CDK14: variants seen among roughly 807,000 people sequenced by gnomAD.
The protein encoded by CDK14 is cyclin-dependent kinase 14.
Under a neutral mutation model 60.7 loss-of-function variants are expected in CDK14, and 34 were observed. That is an observed-to-expected ratio of 0.56 (90% confidence interval 0.43 to 0.75). The LOEUF is 0.75. CDK14 is among the 30% of genes least tolerant of loss of function. CDK14 has a pLI of 0.00. For synonymous variants in CDK14, 197 were observed against 203.7 expected (o/e 0.97, Z 0.28); for missense variants, 482 against 564.1 (o/e 0.85, Z 1.47).
intron 4 of CDK14, among the ~76,000 whole-genome samples, chr7:90,784,896 TTAA>T (rs1805508532): frequency 6.6e-6 from 1 of 152,220 alleles, no homozygotes; most frequent in East Asian, 1.9e-4. Flanking sequence ...AAAGAGGGAA[TTAA>T]TAAATGAAAC....
intron 2 of CDK14, among the ~76,000 whole-genome samples, chr7:90,637,504 T>C (rs957436418): frequency 2.6e-5 from 4 of 151,592 alleles, no homozygotes; most frequent in African/African-American, 9.7e-5. Context: ...GAGAGATAGT[T>C]TGTTATAATT....
At chr7:91,047,954 T>C (rs550637306) in intron 11 of CDK14, among the ~76,000 whole-genome samples, 5 of 152,206 alleles carry the variant, frequency 3.3e-5, no homozygotes, top group African/African-American at 1.2e-4. Flanking sequence ...AAGGAAAATA[T>C]CAGTGCTAGG....
At chr7:90,826,255 G>C (rs1421068183) in intron 5 of CDK14, among the ~76,000 whole-genome samples, 1 of 152,112 alleles carries the variant, frequency 6.6e-6, no homozygotes, top group Non-Finnish European at 1.5e-5. Context: ...TCTCACTCCT[G>C]TTACCCAGGC....
intron 14 of CDK14, among the ~76,000 whole-genome samples, chr7:91,166,189 T>A (rs1801341815): frequency 6.6e-6 from 1 of 152,208 alleles, no homozygotes; most frequent in Non-Finnish European, 1.5e-5. Flanking sequence ...TCTGGATTCC[T>A]ATATTTTTTC....
At chr7:91,202,951 C>T (rs1802776624) in intron 14 of CDK14, among the ~76,000 whole-genome samples, 1 of 152,210 alleles carries the variant, frequency 6.6e-6, no homozygotes, top group African/African-American at 2.4e-5. Flanking sequence ...CTAGAGATTA[C>T]ACTCAAAGAA....
intron 14 of CDK14, among the ~76,000 whole-genome samples, chr7:91,172,455 C>T (rs753383331): frequency 4.6e-5 from 7 of 152,220 alleles, no homozygotes; most frequent in Non-Finnish European, 7.3e-5. Context: ...CTTCCTCCCT[C>T]TGGTTATTCC....
At chr7:90,803,556 C>T (rs1408741463) in intron 5 of CDK14, among the ~76,000 whole-genome samples, 2 of 151,912 alleles carry the variant, frequency 1.3e-5, no homozygotes, top group East Asian at 3.9e-4. Flanking sequence ...GATAGTGGAA[C>T]CAGTAATGAG....
rs753641002 is a variant in CDK14 at position 90,917,739 on chromosome 7, A to C, written c.826+15A>C. ...GGCAGATTTCGGTAGGAAAGCAGTT[A>C]ATTACCAGTCTATTTTGTCATACTG... is the stretch of plus-strand genomic sequence containing the variant. On this transcript the variant is annotated intron_variant, in intron 8 of 14. Coordinates refer to ENST00000380050, the MANE Select transcript of CDK14 (RefSeq NM_001287135.2). The C allele has an allele frequency of 5.6e-6, 9 of 1,611,728 alleles. No homozygotes were observed. In the African/African-American group the frequency reaches 1.2e-4, roughly 22 times the overall value.
At chr7:90,708,984 A>G (rs1801966314) in intron 2 of CDK14, among the ~76,000 whole-genome samples, 1 of 152,086 alleles carries the variant, frequency 6.6e-6, no homozygotes, top group South Asian at 2.1e-4. Flanking sequence ...TTTGCCGCCT[A>G]GCACCTTGTG....
At chr7:90,868,300 T>TACAC (rs761949042) in intron 6 of CDK14, among the ~76,000 whole-genome samples, 35 of 141,694 alleles carry the variant, frequency 2.5e-4, no homozygotes, top group Admixed American at 1.3e-3. Flanking sequence ...ACTATATATA[T>TACAC]ATACACACAC....
rs547636127 is a variant in CDK14 at position 91,011,126 on chromosome 7, AT to A, written c.1041+26893del. Among the ~76,000 whole-genome samples the A allele has an allele frequency of 1.1e-4, 17 of 151,462 alleles. No individual in the cohort carries two copies. The East Asian group carries it at 2.5e-3, about 23-fold the overall frequency. On this transcript the variant is annotated intron_variant, in intron 10 of 14. Transcript: ENST00000380050. ...GGAATGGATATCAGATTTGGTGAAA[AT>A]TTTTTTTCTTGTCTACTGAGATTAT...
chr7:91,007,700 T>C (rs1376800069), intron 10 of CDK14, among the ~76,000 whole-genome samples: 1 of 152,184 alleles, frequency 6.6e-6, no homozygotes, highest in African/African-American at 2.4e-5. Context: ...TGAAAAAGCC[T>C]TCCAGCTAGC....
chr7:91,027,507 C>A (rs2115910119), intron 10 of CDK14, among the ~76,000 whole-genome samples: 1 of 152,230 alleles, frequency 6.6e-6, no homozygotes, highest in Non-Finnish European at 1.5e-5. Flanking sequence ...ATTATGCATA[C>A]CACGTTTTAG....
chr7:90,741,661 C>G (rs1803350580), intron 3 of CDK14, among the ~76,000 whole-genome samples: 2 of 152,096 alleles, frequency 1.3e-5, no homozygotes, highest in Admixed American at 1.3e-4. Context: ...TAATAGGTTA[C>G]TATTTTATGG....
chr7:90,975,598 A>G (rs573140184), intron 9 of CDK14, among the ~76,000 whole-genome samples: 2 of 152,054 alleles, frequency 1.3e-5, no homozygotes, highest in South Asian at 2.1e-4. Context: ...TTTCTTAACT[A>G]TAGTCATCCT....
intron 8 of CDK14, among the ~76,000 whole-genome samples, chr7:90,923,361 G>A (rs745980118): frequency 5.3e-5 from 8 of 151,954 alleles, no homozygotes; most frequent in East Asian, 1.9e-4. Flanking sequence ...TGCCCATTTC[G>A]GCCTCCCAAA....
At position 91,033,706 on chromosome 7, in the gene CDK14, T is replaced by C. The variant is rs751411961; in HGVS notation, c.1042-12191T>C. ...TTTCAGGCAGTCAGGCTGGTTCTGC[T>C]GCATTTGCTTGGCAACATCACCTCC... On this transcript the variant is annotated intron_variant, in intron 10 of 14. Coordinates refer to ENST00000380050, the MANE Select transcript of CDK14 (RefSeq NM_001287135.2). Among the ~76,000 whole-genome samples, 31 of 152,316 alleles carry C rather than the reference T, an allele frequency of 2.0e-4. 1 individual carries two copies. The highest frequency in any genetic ancestry group is 2.4e-4 in the Non-Finnish European group (16 of 68,026).
intron 12 of CDK14, among the ~76,000 whole-genome samples, chr7:91,106,536 A>G (rs1165069098): frequency 6.6e-6 from 1 of 152,182 alleles, no homozygotes; most frequent in African/African-American, 2.4e-5. Flanking sequence ...AGTAATAATA[A>G]TAATGTCTAA....
At chr7:91,072,834 A>G (rs1007500178) in intron 11 of CDK14, among the ~76,000 whole-genome samples, 12 of 152,076 alleles carry the variant, frequency 7.9e-5, no homozygotes, top group Non-Finnish European at 1.6e-4. Context: ...AAATGACATG[A>G]TGGAGATGAA....
Sources: gnomAD v4.1 joint callset for allele counts (sites outside exome capture counted in the v4.1 genomes callset) on GRCh38, gnomAD v4.1.1 for gene constraint, MANE v1.5 for transcripts, NCBI Gene and HGNC (gene_info 2026-07-23, HGNC 2026-07-21) for gene names.